Variants in ESF1 observed in about 807,000 individuals in gnomAD.
ESF1 encodes the protein ESF1 homolog.
In ESF1, 58 loss-of-function variants were observed where a neutral mutation model predicts 92.0. The observed-to-expected ratio is 0.63, with a 90% CI of 0.51 to 0.78. ESF1 has a LOEUF of 0.78. ESF1 is among the 30% of genes least tolerant of loss of function. The pLI, the probability that ESF1 is intolerant of heterozygous loss-of-function variation, is 0.00. For synonymous variants in ESF1, 321 were observed against 313.7 expected (o/e 1.02, Z -0.24); for missense variants, 922 against 989.1 (o/e 0.93, Z 0.91).
At chr20:13,736,931 CATG>C (rs2049979191) in intron 9 of ESF1, among the ~76,000 whole-genome samples, 1 of 152,130 alleles carries the variant, frequency 6.6e-6, no homozygotes, top group Non-Finnish European at 1.5e-5. Flanking sequence ...CACACACCAC[CATG>C]ATAACTTAAA....
At chr20:13,728,819 A>G (rs934197116) in intron 10 of ESF1, among the ~76,000 whole-genome samples, 2 of 152,016 alleles carry the variant, frequency 1.3e-5, no homozygotes, top group African/African-American at 4.8e-5. Context: ...GTGAGCCGAG[A>G]TCGTGCCACT....
At chr20:13,737,782 T>C (rs1259276822) in intron 9 of ESF1, among the ~76,000 whole-genome samples, 1 of 152,114 alleles carries the variant, frequency 6.6e-6, no homozygotes, top group Non-Finnish European at 1.5e-5. Flanking sequence ...GCCTCCCTAG[T>C]AGCTAGGATT....
intron 10 of ESF1, among the ~76,000 whole-genome samples, chr20:13,729,805 A>C (rs1430989522): frequency 1.3e-5 from 2 of 152,210 alleles, no homozygotes; most frequent in African/African-American, 4.8e-5. Flanking sequence ...CTGTTGGTTA[A>C]ATTTTTCCTA....
At chr20:13,720,892 G>A (rs553184609) in intron 11 of ESF1, among the ~76,000 whole-genome samples, 4 of 152,316 alleles carry the variant, frequency 2.6e-5, no homozygotes, top group Admixed American at 2.6e-4. Flanking sequence ...AGGCCGAGGT[G>A]GGTGGATCAC....
At chr20:13,724,724 G>T (rs2049890026) in intron 11 of ESF1, among the ~76,000 whole-genome samples, 1 of 152,146 alleles carries the variant, frequency 6.6e-6, no homozygotes, top group South Asian at 2.1e-4. Context: ...TGTAAAGTAT[G>T]GGAAAACTGT....
At chr20:13,769,260 C>T (rs1979572436) in intron 7 of ESF1, among the ~76,000 whole-genome samples, 1 of 152,094 alleles carries the variant, frequency 6.6e-6, no homozygotes, top group Admixed American at 6.5e-5. Context: ...TCCACTTCCC[C>T]TTATTCCTTA....
Position 13,714,888 on chromosome 20 carries a change from G to C in ESF1, c.2542C>G (p.Gln848Glu), listed in dbSNP as rs1254143252. The C allele has an allele frequency of 6.3e-7, 1 of 1,593,874 alleles. No homozygotes were observed. The highest frequency in any genetic ancestry group is 8.5e-7 in the Non-Finnish European group (1 of 1,172,626). Residue 848 changes from glutamine (Q) to glutamate (E), a missense_variant, in exon 14 of 14, where the codon CAA becomes GAA. Coordinates refer to ENST00000617257, the MANE Select transcript of ESF1 (RefSeq NM_001276380.2). ...KTEQFQARKK[Q>E]KVK ...GTAACATCCAGTTATTTGACTTTTT[G>C]CTTTTTTCTTGCTTGAAACTGCTCT...
chr20:13,738,371 T>C (rs1236117966), intron 9 of ESF1, among the ~76,000 whole-genome samples: 1 of 151,264 alleles, frequency 6.6e-6, no homozygotes, highest in Non-Finnish European at 1.5e-5. Context: ...TGGAGTGCAG[T>C]AGTGCAATCA....
intron 9 of ESF1, among the ~76,000 whole-genome samples, chr20:13,734,740 T>C (rs4814253): frequency 0.31 from 45,602 of 148,962 alleles, 7,416 homozygotes; most frequent in Middle Eastern, 0.47. Flanking sequence ...GTTGGGTGGA[T>C]CTTTAAATAT....
chr20:13,722,024 C>A (rs1197722464), intron 11 of ESF1, among the ~76,000 whole-genome samples: 2 of 152,114 alleles, frequency 1.3e-5, no homozygotes, highest in Non-Finnish European at 2.9e-5. Flanking sequence ...CCAAGAGCTC[C>A]TTTTGAAATG....
Position 13,714,996 on chromosome 20 carries a change from C to T in ESF1, c.2434G>A (p.Glu812Lys). 3.7e-6 allele frequency: 6 copies of T among 1,613,952 alleles called. No homozygotes were observed. The highest frequency in any genetic ancestry group is 5.1e-6 in the Non-Finnish European group (6 of 1,179,982). The change falls in exon 14 of 14, where the codon GAG becomes AAG. Residue 812 changes from glutamate (E) to lysine (K), a missense_variant. Physicochemically the swap from Glu to Lys is moderately conservative, Grantham distance 56 (BLOSUM62 1). Transcript: ENST00000617257. ...TGTGATTCCTTTTCAATCTCACTCTCTTTTTTCTTTATTGCCTGAGTAAGT... is the reference window on the plus strand; with the variant it reads ...TGTGATTCCTTTTCAATCTCACTCTTTTTTTTCTTTATTGCCTGAGTAAGT... ...QELTQAIKKK[E>K]SEIEKESQRK...
chr20:13,771,833 T>G (rs1037005741), intron 5 of ESF1, among the ~76,000 whole-genome samples: 1 of 151,916 alleles, frequency 6.6e-6, no homozygotes, highest in African/African-American at 2.4e-5. Context: ...AGAAAACCAT[T>G]AGCTAAAAGA....
chr20:13,751,821 C>T (rs1270727034), intron 9 of ESF1, among the ~76,000 whole-genome samples: 1 of 151,802 alleles, frequency 6.6e-6, no homozygotes, highest in East Asian at 1.9e-4. Context: ...ATGGTGAAAC[C>T]CTGTCTCTAC....
chr20:13,773,224 C>A (rs1830581846), intron 4 of ESF1, among the ~76,000 whole-genome samples: 1 of 152,178 alleles, frequency 6.6e-6, no homozygotes, highest in African/African-American at 2.4e-5. Flanking sequence ...TGTTTTGATA[C>A]TACTAGGCTT....
intron 9 of ESF1, among the ~76,000 whole-genome samples, chr20:13,742,875 C>A (rs368811889): frequency 3.0e-4 from 46 of 152,260 alleles, no homozygotes; most frequent in Non-Finnish European, 5.0e-4. Context: ...AAAAGAAACC[C>A]TGTTCCCGCC....
chr20:13,732,810 ACT>A (rs1340921613), intron 10 of ESF1, among the ~76,000 whole-genome samples: 1 of 152,168 alleles, frequency 6.6e-6, no homozygotes, highest in Non-Finnish European at 1.5e-5. Flanking sequence ...ATTACTGAGG[ACT>A]CTGGAAAACT....
At position 13,714,607 on chromosome 20, in the gene ESF1, G is replaced by C. The variant is rs2049809879; in HGVS notation, c.*267C>G. On this transcript the variant is annotated 3_prime_UTR_variant, in exon 14 of 14. Transcript: ENST00000617257. ...AGCTAGAGTAACTTTCCACTAGTTA[G>C]AACTGAACATTGTAAAATATAAAAA... 1 of 263,856 alleles carries C rather than the reference G, an allele frequency of 3.8e-6. No individual in the cohort carries two copies. The highest frequency in any genetic ancestry group is 7.2e-6 in the Non-Finnish European group (1 of 139,378). The allele number at this position is 263,856 out of a possible 1,614,324, so 16.3% of individuals were successfully genotyped here.
chr20:13,727,447 G>A (rs2147726001), intron 11 of ESF1, among the ~76,000 whole-genome samples: 1 of 152,224 alleles, frequency 6.6e-6, no homozygotes, highest in South Asian at 2.1e-4. Flanking sequence ...GAACTATTCT[G>A]GCCCACTAGT....
intron 7 of ESF1, among the ~76,000 whole-genome samples, chr20:13,769,568 T>C (rs184598677): frequency 6.0e-4 from 91 of 152,248 alleles, no homozygotes; most frequent in African/African-American, 2.0e-3. Context: ...GCGGCCTCAC[T>C]TGAGGTCAGG....
Sources: allele counts gnomAD v4.1 joint callset (sites outside exome capture counted in the v4.1 genomes callset), GRCh38; gene constraint gnomAD v4.1.1; transcripts MANE v1.5; gene names NCBI Gene and HGNC (gene_info 2026-07-23, HGNC 2026-07-21).